The following ZNF704 variants were observed in gnomAD, a reference collection of about 807,000 sequenced individuals.
ZNF704 encodes the protein zinc finger protein 704.
Under a neutral mutation model 44.7 loss-of-function variants are expected in ZNF704, and 10 were observed. That is an observed-to-expected ratio of 0.22 (90% confidence interval 0.14 to 0.38). The LOEUF is 0.38. ZNF704 is among the 10% of genes least tolerant of loss of function. The pLI is 1.00. For missense variants in ZNF704, 390 were observed against 545.5 expected, an observed-to-expected ratio of 0.71 and a Z score of 2.84; for synonymous variants, 211 against 207.6, an observed-to-expected ratio of 1.02 and a Z score of -0.14.
chr8:80,680,586 G>A (rs905342692), intron 4 of ZNF704, among the ~76,000 whole-genome samples: 4 of 152,028 alleles, frequency 2.6e-5, no homozygotes, highest in Non-Finnish European at 5.9e-5. Flanking sequence ...GCTCTTTCAG[G>A]GTCAAGAGGT....
At chr8:80,731,442 GTATT>G (rs1806580197) in intron 2 of ZNF704, among the ~76,000 whole-genome samples, 1 of 152,038 alleles carries the variant, frequency 6.6e-6, no homozygotes, top group Non-Finnish European at 1.5e-5. Flanking sequence ...ACATCATGAT[GTATT>G]TAAAGAAAAA....
intron 2 of ZNF704, among the ~76,000 whole-genome samples, chr8:80,736,281 C>G (rs1806663638): frequency 6.6e-6 from 1 of 152,124 alleles, no homozygotes. Context: ...TTAAACGTTA[C>G]TTTTTTGTTA....
intron 2 of ZNF704, among the ~76,000 whole-genome samples, chr8:80,697,436 A>C (rs1372268393): frequency 6.6e-6 from 1 of 152,238 alleles, no homozygotes; most frequent in Non-Finnish European, 1.5e-5. Flanking sequence ...CTGCCCCTCC[A>C]TGCAGCGATA....
chr8:80,861,170 AAG>A (rs1270519771), intron 1 of ZNF704, among the ~76,000 whole-genome samples: 2 of 152,234 alleles, frequency 1.3e-5, no homozygotes, highest in Non-Finnish European at 2.9e-5. Flanking sequence ...TACAAAAAGA[AAG>A]AGTGAGGAAA....
At chr8:80,768,945 A>G (rs1807273707) in intron 2 of ZNF704, among the ~76,000 whole-genome samples, 1 of 152,196 alleles carries the variant, frequency 6.6e-6, no homozygotes, top group Admixed American at 6.5e-5. Context: ...GAAATCTAAC[A>G]TATCACAAGC....
chr8:80,713,386 C>T (rs987524891), intron 2 of ZNF704, among the ~76,000 whole-genome samples: 3 of 152,154 alleles, frequency 2.0e-5, no homozygotes, highest in African/African-American at 2.4e-5. Context: ...GTGGTAACTG[C>T]GGCTCGAATT....
intron 2 of ZNF704, among the ~76,000 whole-genome samples, chr8:80,720,952 C>G (rs1669486834): frequency 6.6e-6 from 1 of 152,220 alleles, no homozygotes; most frequent in Non-Finnish European, 1.5e-5. Context: ...GCTGAGTTTT[C>G]AATGGCTCAT....
At chr8:80,755,310 C>T (rs1250060033) in intron 2 of ZNF704, among the ~76,000 whole-genome samples, 3 of 152,090 alleles carry the variant, frequency 2.0e-5, no homozygotes, top group Non-Finnish European at 4.4e-5. Flanking sequence ...ACTAAATTAG[C>T]CACGTGTGGT....
chr8:80,861,629 T>C (rs757953368), intron 1 of ZNF704, among the ~76,000 whole-genome samples: 1 of 152,062 alleles, frequency 6.6e-6, no homozygotes, highest in Non-Finnish European at 1.5e-5. Context: ...CAGAGAAATG[T>C]AGCACTGCAT....
chr8:80,718,343 G>A (rs1342485169), intron 2 of ZNF704, among the ~76,000 whole-genome samples: 1 of 151,658 alleles, frequency 6.6e-6, no homozygotes, highest in African/African-American at 2.4e-5. Context: ...TACTGTGGAA[G>A]GCTAAATCAT....
At chr8:80,670,634 G>C (rs1247550119) in intron 4 of ZNF704, 31 bp from the exon 5 acceptor site, 1 of 1,442,674 alleles carries the variant, frequency 6.9e-7, no homozygotes, top group South Asian at 1.2e-5. Context: ...TATTAGAATG[G>C]AAACTATTTT....
chr8:80,771,083 A>C (rs1254652442), intron 2 of ZNF704, among the ~76,000 whole-genome samples: 3 of 152,158 alleles, frequency 2.0e-5, no homozygotes, highest in Admixed American at 1.3e-4. Context: ...CTATGTGTCT[A>C]TCTCTCCACA....
chr8:80,697,264 T>A (rs534390270), intron 2 of ZNF704, among the ~76,000 whole-genome samples: 1 of 152,214 alleles, frequency 6.6e-6, no homozygotes, highest in South Asian at 2.1e-4. Flanking sequence ...GCAAAGCGCA[T>A]CCATGGAACA....
chr8:80,858,870 C>T (rs899451728), intron 1 of ZNF704, among the ~76,000 whole-genome samples: 1 of 152,008 alleles, frequency 6.6e-6, no homozygotes, highest in Non-Finnish European at 1.5e-5. Flanking sequence ...ACTTGGTGTG[C>T]CCCCAGTATA....
intron 7 of ZNF704, among the ~76,000 whole-genome samples, chr8:80,654,854 G>T (rs999729979): frequency 1.4e-4 from 21 of 152,056 alleles, no homozygotes; most frequent in African/African-American, 3.4e-4. Context: ...TATACCCAAA[G>T]GAGTATAAAT....
chr8:80,697,043 A>G (rs1353360015), intron 2 of ZNF704, among the ~76,000 whole-genome samples: 3 of 152,284 alleles, frequency 2.0e-5, no homozygotes, highest in East Asian at 3.9e-4. Flanking sequence ...TCTATACATG[A>G]TTTGTTCCTG....
chr8:80,686,983 A>G (rs1818548160), intron 4 of ZNF704, among the ~76,000 whole-genome samples: 1 of 152,210 alleles, frequency 6.6e-6, no homozygotes. Context: ...GCAATTTATA[A>G]CCAGAGGATG....
At chr8:80,680,785 A>G (rs1818440742) in intron 4 of ZNF704, among the ~76,000 whole-genome samples, 1 of 152,048 alleles carries the variant, frequency 6.6e-6, no homozygotes, top group African/African-American at 2.4e-5. Context: ...AGATGAGGGG[A>G]CTGAATGAGA....
intron 1 of ZNF704, among the ~76,000 whole-genome samples, chr8:80,861,199 C>A (rs999059598): frequency 4.6e-5 from 7 of 152,108 alleles, no homozygotes; most frequent in Non-Finnish European, 8.8e-5. Context: ...GAGAACTTGT[C>A]TTTGTCTTTT....
Sources: gnomAD v4.1 joint callset for allele counts (sites outside exome capture counted in the v4.1 genomes callset) on GRCh38, gnomAD v4.1.1 for gene constraint, MANE v1.5 for transcripts, NCBI Gene and HGNC (gene_info 2026-07-23, HGNC 2026-07-21) for gene names.